The following GPHN variants were observed in gnomAD, a reference collection of about 807,000 sequenced individuals.
GPHN encodes gephyrin.
In GPHN, 17 loss-of-function variants were observed where a neutral mutation model predicts 95.5. The ratio of observed to expected loss-of-function variants is 0.18; its 90% CI spans 0.12 to 0.27. GPHN has a LOEUF of 0.27. GPHN is among the 10% of genes least tolerant of loss of function. The pLI, the probability that GPHN is intolerant of heterozygous loss-of-function variation, is 1.00. For missense variants in GPHN, 660 were observed against 978.1 expected (o/e 0.67, Z 4.34); for synonymous variants, 320 against 322.5 (o/e 0.99, Z 0.08).
intron 1 of GPHN, among the ~76,000 whole-genome samples, chr14:66,510,621 A>G (rs2058006617): frequency 6.6e-6 from 1 of 152,228 alleles, no homozygotes; most frequent in South Asian, 2.1e-4. Context: ...TTCCGTATTC[A>G]GATGGATTAG....
At chr14:67,541,961 G>T in the GPHN span, 1 of 1,607,698 alleles carries the variant, frequency 6.2e-7, no homozygotes, top group Non-Finnish European at 8.5e-7. Context: ...CCGCCTACAG[G>T]CCAGCAAGAT....
intron 1 of GPHN, among the ~76,000 whole-genome samples, chr14:66,606,853 T>C (rs976834116): frequency 6.6e-6 from 1 of 152,172 alleles, no homozygotes. Context: ...GCAGCATCTT[T>C]AATGTTTTCT....
chr14:67,361,881 T>C, the GPHN span, among the ~76,000 whole-genome samples: 1 of 152,234 alleles, frequency 6.6e-6, no homozygotes, highest in Non-Finnish European at 1.5e-5. Flanking sequence ...AGTATTATAA[T>C]TTAGTATTTC....
chr14:66,686,737 T>TTAA (rs1566818241), intron 2 of GPHN, among the ~76,000 whole-genome samples: 1 of 152,200 alleles, frequency 6.6e-6, no homozygotes, highest in Non-Finnish European at 1.5e-5. Context: ...TTGAATACCC[T>TTAA]TTATTTCTTT....
the GPHN span, among the ~76,000 whole-genome samples, chr14:67,217,367 G>C: frequency 6.6e-6 from 1 of 152,102 alleles, no homozygotes; most frequent in East Asian, 1.9e-4. Context: ...CATTCAGCCA[G>C]TCTATATCTT....
the GPHN span, among the ~76,000 whole-genome samples, chr14:67,427,835 T>C: frequency 1.4e-4 from 22 of 152,092 alleles, no homozygotes; most frequent in African/African-American, 5.1e-4. Context: ...TTTTCTAGCA[T>C]GTTCTGGCAC....
At chr14:67,130,228 T>C (rs557301742) in intron 17 of GPHN, among the ~76,000 whole-genome samples, 1 of 152,282 alleles carries the variant, frequency 6.6e-6, no homozygotes, top group East Asian at 1.9e-4. Flanking sequence ...GTAGTGAGGA[T>C]AGTACCCAAT....
chr14:67,297,556 C>T, the GPHN span, among the ~76,000 whole-genome samples: 1 of 152,064 alleles, frequency 6.6e-6, no homozygotes, highest in Non-Finnish European at 1.5e-5. Flanking sequence ...TATAAACAGG[C>T]TTCTAATTTA....
chr14:67,449,234 T>C, the GPHN span, among the ~76,000 whole-genome samples: 4 of 152,210 alleles, frequency 2.6e-5, no homozygotes, highest in Admixed American at 6.5e-5. Flanking sequence ...TCATTCAGTC[T>C]GGCCAAGAGG....
chr14:67,050,556 G>C (rs1199026038), intron 10 of GPHN, among the ~76,000 whole-genome samples: 1 of 152,114 alleles, frequency 6.6e-6, no homozygotes, highest in African/African-American at 2.4e-5. Flanking sequence ...ATAAGATGGA[G>C]AGTGATAGAT....
the GPHN span, among the ~76,000 whole-genome samples, chr14:67,219,385 G>A: frequency 6.6e-6 from 1 of 152,168 alleles, no homozygotes; most frequent in African/African-American, 2.4e-5. Flanking sequence ...CCACAGACAT[G>A]TCTCTGCTCC....
At chr14:67,114,375 G>A (rs1323448260) in intron 16 of GPHN, among the ~76,000 whole-genome samples, 4 of 152,018 alleles carry the variant, frequency 2.6e-5, no homozygotes, top group Non-Finnish European at 5.9e-5. Context: ...TAAGTTCATG[G>A]AGTTTGAGAA....
chr14:66,736,681 A>G (rs1300250102), intron 2 of GPHN, among the ~76,000 whole-genome samples: 3 of 152,092 alleles, frequency 2.0e-5, no homozygotes, highest in Non-Finnish European at 4.4e-5. Flanking sequence ...CAGGGATTAC[A>G]TACGTGAGCC....
the GPHN span, among the ~76,000 whole-genome samples, chr14:67,313,834 T>C: frequency 6.6e-6 from 1 of 152,174 alleles, no homozygotes; most frequent in African/African-American, 2.4e-5. Context: ...GTCTCTGTTA[T>C]AATTCTTTCT....
chr14:66,601,525 C>G (rs974910460), intron 1 of GPHN, among the ~76,000 whole-genome samples: 1 of 151,952 alleles, frequency 6.6e-6, no homozygotes, highest in African/African-American at 2.4e-5. Flanking sequence ...TTCATATACT[C>G]ACTCTATGAC....
intron 1 of GPHN, among the ~76,000 whole-genome samples, chr14:66,675,366 G>C (rs962273917): frequency 2.0e-5 from 3 of 151,918 alleles, no homozygotes; most frequent in African/African-American, 2.4e-5. Context: ...GGATGGTCTC[G>C]ATCTCTTGAC....
the GPHN span, among the ~76,000 whole-genome samples, chr14:67,399,489 A>T: frequency 6.8e-6 from 1 of 147,034 alleles, no homozygotes; most frequent in African/African-American, 2.6e-5. Context: ...GGTGGCTGTC[A>T]GGTGGCAGGA....
At chr14:66,848,935 A>G (rs2062455698) in intron 4 of GPHN, among the ~76,000 whole-genome samples, 1 of 151,910 alleles carries the variant, frequency 6.6e-6, no homozygotes, top group Non-Finnish European at 1.5e-5. Context: ...TTTCTTAGTA[A>G]TATCATCCCA....
intron 3 of GPHN, among the ~76,000 whole-genome samples, chr14:66,823,818 A>G (rs1375055750): frequency 2.6e-5 from 4 of 152,182 alleles, no homozygotes; most frequent in Middle Eastern, 3.2e-3. Context: ...ATGAAATTCT[A>G]TTTTTAAATT....
Sources: allele counts gnomAD v4.1 joint callset (sites outside exome capture counted in the v4.1 genomes callset), GRCh38; gene constraint gnomAD v4.1.1; transcripts MANE v1.5; gene names NCBI Gene and HGNC (gene_info 2026-07-23, HGNC 2026-07-21).